RAD17: variants seen among roughly 807,000 people sequenced by gnomAD.
RAD17 encodes cell cycle checkpoint protein RAD17.
RAD17 carries 31 observed loss-of-function variants against 81.5 expected under a neutral mutation model. The ratio of observed to expected loss-of-function variants is 0.38; its 90% confidence interval spans 0.29 to 0.51. The LOEUF (loss-of-function observed/expected upper bound fraction) is 0.51. RAD17 is among the 20% of genes least tolerant of loss of function. The probability of loss-of-function intolerance (pLI) is 0.88; values close to 1 mark genes in which losing one functional copy is unlikely to be tolerated. For synonymous variants in RAD17, 261 were observed against 266.2 expected, an observed-to-expected ratio of 0.98 and a Z score of 0.19; for missense variants, 681 against 781.2, an observed-to-expected ratio of 0.87 and a Z score of 1.53.
chr5:69,396,640 CAAAGG>C, intron 16 of RAD17, 94 bp downstream of exon 16: 1 of 1,233,950 alleles, frequency 8.1e-7, no homozygotes. Context: ...TAAAACATAA[CAAAGG>C]AAAAAATATT....
intron 13 of RAD17, chr5:69,392,766 A>T: frequency 2.2e-6 from 1 of 445,426 alleles, no homozygotes; most frequent in Non-Finnish European, 4.5e-6. Flanking sequence ...CGTCTCTTGC[A>T]TTAGTGAATG....
chr5:69,380,853 C>T (rs1285753739), intron 6 of RAD17, among the ~76,000 whole-genome samples: 1 of 151,618 alleles, frequency 6.6e-6, no homozygotes, highest in Non-Finnish European at 1.5e-5. Context: ...GCAGCCTCCA[C>T]CTCCCAGGCT....
At position 69,396,467 on chromosome 5, in the gene RAD17, G is replaced by C; in HGVS notation, c.1493G>C (p.Arg498Pro). The C allele has an allele frequency of 6.2e-7, 1 of 1,612,856 alleles. No homozygotes were observed. The highest frequency in any genetic ancestry group is 1.1e-5 in the South Asian group (1 of 91,040). Residue 498 changes from arginine (R) to proline (P), a missense_variant, in exon 16 of 19, where the codon CGA (arginine) becomes CCA (proline). Transcript: ENST00000354868. ...GGTGTGATGCATTCCAACAAAGCCC[G>C]AGGATATGCTCATTGCCAAGGAGGA... The part of the protein sequence containing the change: ...TRGVMHSNKA[R>P]GYAHCQGGGS...
chr5:69,394,113 G>A lies in RAD17; in HGVS notation c.1422+613G>A, dbSNP rs1456465237. Among the ~76,000 whole-genome samples, 10 of 143,972 alleles carry A rather than the reference G, an allele frequency of 6.9e-5. No individual in the cohort carries two copies. The Admixed American group carries it at 7.2e-4, about 10-fold the overall frequency. The allele number at this position is 143,972 out of a possible 152,430, so 94.5% of individuals were successfully genotyped here. ...TTTTTTGCCCACGCTGGAGTCCAGTGGTACAAACATGGTTCACTGCAACCT... is the reference window on the plus strand; with the variant it reads ...TTTTTTGCCCACGCTGGAGTCCAGTAGTACAAACATGGTTCACTGCAACCT... On this transcript the variant is annotated intron_variant, in intron 15 of 18. Coordinates refer to ENST00000354868, the MANE Select transcript of RAD17 (RefSeq NM_133338.3).
intron 6 of RAD17, among the ~76,000 whole-genome samples, chr5:69,379,256 G>T (rs950753836): frequency 6.6e-6 from 1 of 152,012 alleles, no homozygotes; most frequent in Non-Finnish European, 1.5e-5. Flanking sequence ...ATATTTTTTG[G>T]TAAAAACATG....
rs2150905068 is a variant in RAD17, at chr5:69,414,664, T to C, written c.*372T>C. 1 of 258,508 alleles carries C rather than the reference T, an allele frequency of 3.9e-6. No homozygotes were observed. The highest frequency in any genetic ancestry group is 5.0e-5 in the Admixed American group (1 of 20,134). The allele number at this position is 258,508 out of a possible 1,614,324, so 16.0% of individuals were successfully genotyped here. A position where few individuals can be genotyped will look rare whatever the true frequency, so the allele number is the denominator to read the frequency against. ...CAACAGTTTAGGATGCAATTACGAG[T>C]GTAAACTGTGTGCCTTATTTACACT... On this transcript the variant is annotated 3_prime_UTR_variant, in exon 19 of 19. Transcript: ENST00000354868.
intron 6 of RAD17, 102 bp from the exon 7 acceptor site, chr5:69,381,799 A>G: frequency 1.2e-6 from 1 of 846,350 alleles, no homozygotes; most frequent in Non-Finnish European, 1.8e-6. Context: ...GACATTCAGC[A>G]AATATTTATA....
At chr5:69,413,460 A>C (rs896814578) in intron 18 of RAD17, among the ~76,000 whole-genome samples, 3 of 152,126 alleles carry the variant, frequency 2.0e-5, no homozygotes, top group African/African-American at 4.8e-5. Context: ...AAAAAAGAAA[A>C]ATTCTTTACT....
In RAD17 at chr5:69,407,741, G is replaced by A. The variant is rs78157763; in HGVS notation, c.1694-2752G>A. ...ACAGGCATGTGCCGCTATGCCCGGC[G>A]GGGTTTCGCCATGTTGGCCAGGCTG... On this transcript the variant is annotated intron_variant, in intron 17 of 18. Transcript: ENST00000354868. 6.2e-3 allele frequency among the ~76,000 whole-genome samples: 946 copies of A among 151,692 alleles called. 6 individuals carry two copies. Among genetic ancestry groups the A allele is most frequent in the African/African-American group, 0.022 (894 of 41,412 alleles).
At chr5:69,392,729 T>C (rs1764622502) in intron 13 of RAD17, 2 of 426,044 alleles carry the variant, frequency 4.7e-6, no homozygotes, top group South Asian at 3.4e-5. Context: ...TTTCTCTCCT[T>C]TCTTTTCCTC....
chr5:69,395,797 G>A (rs1764847988), intron 15 of RAD17, among the ~76,000 whole-genome samples: 2 of 151,916 alleles, frequency 1.3e-5, no homozygotes, highest in Admixed American at 1.3e-4. Flanking sequence ...ATATATTTAC[G>A]TATTTGTTTC....
At chr5:69,393,622 C>T (rs1158744002) in intron 15 of RAD17, 122 bp downstream of exon 15, 2 of 935,682 alleles carry the variant, frequency 2.1e-6, no homozygotes, top group African/African-American at 3.4e-5. Context: ...CATAACTATG[C>T]TAAAGTTAAT....
intron 17 of RAD17, among the ~76,000 whole-genome samples, chr5:69,401,038 A>G (rs1478940403): frequency 7.3e-6 from 1 of 137,610 alleles, no homozygotes; most frequent in Non-Finnish European, 1.6e-5. Flanking sequence ...GGGAAACCCC[A>G]TTTCTACTAA....
At chr5:69,375,882 C>G (rs943222320) in intron 6 of RAD17, among the ~76,000 whole-genome samples, 1 of 151,408 alleles carries the variant, frequency 6.6e-6, no homozygotes, top group African/African-American at 2.4e-5. Flanking sequence ...TTTCTTTTCT[C>G]CAAGGCACTG....
chr5:69,406,658 A>G (rs1765622542), intron 17 of RAD17, among the ~76,000 whole-genome samples: 1 of 151,248 alleles, frequency 6.6e-6, no homozygotes, highest in Non-Finnish European at 1.5e-5. Flanking sequence ...GCGCACCACC[A>G]CACTTGGCTA....
In RAD17 at chr5:69,387,868, G is replaced by GA. The variant is rs565912246; in HGVS notation, c.895-1158dup. On this transcript the variant is annotated intron_variant, in intron 11 of 18. Transcript: ENST00000354868. ...GCAAAACTCTGTATCCCAAAAAAAA[G>GA]AAAAAAAATTACCTGGGCATGGTGG... Among the ~76,000 whole-genome samples, 509 of 151,850 alleles carry GA rather than the reference G, an allele frequency of 3.4e-3. 4 individuals carry two copies. The highest frequency in any genetic ancestry group is 0.011 in the African/African-American group (474 of 41,414).
intron 12 of RAD17, among the ~76,000 whole-genome samples, chr5:69,390,952 C>CAAA (rs66906488): frequency 9.8e-5 from 14 of 142,922 alleles, no homozygotes; most frequent in African/African-American, 3.7e-4. Context: ...GACCCTGTGT[C>CAAA]AAAAAAAAAA....
intron 17 of RAD17, among the ~76,000 whole-genome samples, chr5:69,406,770 G>A (rs1765630336): frequency 6.6e-6 from 1 of 151,912 alleles, no homozygotes; most frequent in African/African-American, 2.4e-5. Flanking sequence ...GCCTCCCAAA[G>A]TGCTGGGACT....
At chr5:69,408,110 G>A (rs1765743097) in intron 17 of RAD17, among the ~76,000 whole-genome samples, 2 of 152,000 alleles carry the variant, frequency 1.3e-5, no homozygotes, top group Non-Finnish European at 2.9e-5. Flanking sequence ...AATTTAATGT[G>A]TGAGCCCTCG....
Sources: gnomAD v4.1 joint callset for allele counts (sites outside exome capture counted in the v4.1 genomes callset) on GRCh38, gnomAD v4.1.1 for gene constraint, MANE v1.5 for transcripts, NCBI Gene and HGNC (gene_info 2026-07-23, HGNC 2026-07-21) for gene names.